CYTH4: variants seen among roughly 807,000 people sequenced by gnomAD.
CYTH4 encodes the protein cytohesin-4.
A neutral mutation model predicts 57.5 loss-of-function variants in CYTH4; 22 were observed. That is an observed-to-expected ratio of 0.38 (90% CI 0.27 to 0.55). The LOEUF (loss-of-function observed/expected upper bound fraction) is 0.55. Among genes scored for constraint, CYTH4 ranks in the 20% least tolerant of loss-of-function variants. CYTH4 has a pLI of 0.74. For synonymous variants in CYTH4, 186 were observed against 206.5 expected (o/e 0.90, Z 0.85); for missense variants, 420 against 535.6 (o/e 0.78, Z 2.13).
chr22:37,284,759 G>A (rs55714206), intron 1 of CYTH4, among the ~76,000 whole-genome samples: 10,638 of 152,130 alleles, frequency 0.07, 1,223 homozygotes, highest in African/African-American at 0.24. Context: ...GGGGCCCCCA[G>A]GGCTGCCTCC....
intron 8 of CYTH4, among the ~76,000 whole-genome samples, chr22:37,308,649 T>G (rs975372709): frequency 1.3e-5 from 2 of 151,902 alleles, no homozygotes; most frequent in Non-Finnish European, 2.9e-5. Context: ...TATGCATGTA[T>G]GTGTGCATAT....
chr22:37,312,925 A>G (rs1357134233), intron 12 of CYTH4, among the ~76,000 whole-genome samples: 1 of 152,256 alleles, frequency 6.6e-6, no homozygotes, highest in East Asian at 1.9e-4. Context: ...GTTGCTGGGC[A>G]GGGGCCGTGT....
At chr22:37,294,888 G>A (rs1002093767) in intron 3 of CYTH4, among the ~76,000 whole-genome samples, 164 bp downstream of exon 3, 2 of 152,122 alleles carry the variant, frequency 1.3e-5, no homozygotes, top group Non-Finnish European at 1.5e-5. Context: ...GGGTGGCCCC[G>A]GCCCCATCCC....
chr22:37,313,578 C>G lies in CYTH4; in HGVS notation c.*67C>G. The G allele has an allele frequency of 7.2e-7, 1 of 1,385,884 alleles. No homozygotes were observed. The highest frequency in any genetic ancestry group is 1.4e-5 in the African/African-American group (1 of 70,520). The allele number at this position is 1,385,884 out of a possible 1,614,324, so 85.8% of individuals were successfully genotyped here. A position where few individuals can be genotyped will look rare whatever the true frequency, so the allele number is the denominator to read the frequency against. On this transcript the variant is annotated 3_prime_UTR_variant, in exon 13 of 13. Transcript: ENST00000248901. The stretch of plus-strand genomic sequence containing the variant: ...CCCATCGCCTGCAGCACCTGGAGAC[C>G]CACCTCCCACCCCAGTGCACTCTTT...
In CYTH4 at chr22:37,311,381, C is replaced by T; in HGVS notation, c.886-75C>T. The stretch of plus-strand genomic sequence containing the variant: ...CGCTCCTCTTTGAGTTTGGGGAACC[C>T]CACACGTTCACACCCTGCCTTGGGC... On this transcript the variant is annotated intron_variant, in intron 10 of 12. Transcript: ENST00000248901. The surrounding 1 kb of genome is among the most constrained non-coding windows in gnomAD (Gnocchi z 4.4). 1.5e-6 allele frequency: 2 copies of T among 1,332,766 alleles called. No homozygotes were observed. Among genetic ancestry groups the T allele is most frequent in the Non-Finnish European group, 2.2e-6 (2 of 927,400 alleles). The allele number at this position is 1,332,766 out of a possible 1,614,324, so 82.6% of individuals were successfully genotyped here. A position where few individuals can be genotyped will look rare whatever the true frequency, so the allele number is the denominator to read the frequency against.
At chr22:37,299,152 T>G in intron 5 of CYTH4, 74 bp from the exon 6 acceptor site, 13 of 1,152,372 alleles carry the variant, frequency 1.1e-5, no homozygotes, top group Non-Finnish European at 1.6e-5. Context: ...CTCCCCCACC[T>G]CAACCCCCTC....
chr22:37,297,742 G>GC, intron 5 of CYTH4, 60 bp downstream of exon 5: 1 of 1,404,460 alleles, frequency 7.1e-7, no homozygotes, highest in Non-Finnish European at 1.0e-6. Context: ...GTGTACAGGT[G>GC]TGTGGATGTG....
At chr22:37,285,635 T>A (rs1235238935) in intron 1 of CYTH4, among the ~76,000 whole-genome samples, 1 of 151,894 alleles carries the variant, frequency 6.6e-6, no homozygotes, top group Non-Finnish European at 1.5e-5. Context: ...CACTTGAACC[T>A]GGGAGGTGGA....
In CYTH4 at chr22:37,295,396, G is replaced by A. The variant is rs949295694; in HGVS notation, c.168-603G>A. Among the ~76,000 whole-genome samples, 3 of 140,302 alleles carry A rather than the reference G, an allele frequency of 2.1e-5. No homozygotes were observed. Among genetic ancestry groups the A allele is most frequent in the African/African-American group, 6.3e-5 (2 of 31,786 alleles). The allele number at this position is 140,302 out of a possible 152,430, so 92.0% of individuals were successfully genotyped here. A position where few individuals can be genotyped will look rare whatever the true frequency, so the allele number is the denominator to read the frequency against. ...CACACATGCACACACACACACGCAT[G>A]CACACACACACAAGCATGCACACAC... On this transcript the variant is annotated intron_variant, in intron 3 of 12. Coordinates refer to ENST00000248901, the MANE Select transcript of CYTH4 (RefSeq NM_013385.5). This position sits in a 1 kb window ranked among gnomAD's most constrained non-coding sequence, Gnocchi z 4.1.
intron 6 of CYTH4, chr22:37,299,996 AAAAT>A: frequency 2.8e-6 from 2 of 711,194 alleles, no homozygotes; most frequent in South Asian, 1.5e-5. Flanking sequence ...GTCTCACAAA[AAAAT>A]AAATAAACCT....
At position 37,303,367 on chromosome 22, in the gene CYTH4, A is replaced by G; in HGVS notation, c.661A>G (p.Asn221Asp). The G allele has an allele frequency of 6.2e-7, 1 of 1,614,128 alleles. No individual in the cohort carries two copies. The highest frequency in any genetic ancestry group is 8.5e-7 in the Non-Finnish European group (1 of 1,179,998). The change falls in exon 8 of 13, where the codon AAC (asparagine) becomes GAC (aspartate). Residue 221 changes from asparagine to aspartate, a missense_variant. Coordinates refer to ENST00000248901, the MANE Select transcript of CYTH4 (RefSeq NM_013385.5). ...ERFVSMNRGI[N>D]NGSDLPEDQL... Reference sequence around the variant, plus strand: ...CTTTGTGTCCATGAACCGCGGCATCAACAATGGTAGCGACCTGCCCGAGGA... The same window carrying G: ...CTTTGTGTCCATGAACCGCGGCATCGACAATGGTAGCGACCTGCCCGAGGA...
intron 6 of CYTH4, among the ~76,000 whole-genome samples, chr22:37,299,762 C>CTA (rs1472066568): frequency 6.6e-6 from 1 of 152,206 alleles, no homozygotes; most frequent in African/African-American, 2.4e-5. Context: ...TGGAGCCAGA[C>CTA]TATACAGTTC....
At chr22:37,296,105 G>C in intron 4 of CYTH4, 40 bp downstream of exon 4, 2 of 1,592,890 alleles carry the variant, frequency 1.3e-6, no homozygotes, top group Non-Finnish European at 1.7e-6. Context: ...GGGTGTGGGG[G>C]CTGCATGGGA....
At chr22:37,293,872 G>A (rs1928839523) in intron 2 of CYTH4, among the ~76,000 whole-genome samples, 2 of 152,102 alleles carry the variant, frequency 1.3e-5, no homozygotes, top group Admixed American at 6.5e-5. Context: ...GTCAGACTGC[G>A]GGCGTGTCGT....
intron 9 of CYTH4, among the ~76,000 whole-genome samples, chr22:37,310,576 T>C (rs962020012): frequency 2.6e-5 from 4 of 152,220 alleles, no homozygotes; most frequent in Admixed American, 6.5e-5. Flanking sequence ...TCATACGTGG[T>C]TGTGAGGATT....
At chr22:37,296,502 A>G (rs1215931674) in intron 4 of CYTH4, 1 of 171,322 alleles carries the variant, frequency 5.8e-6, no homozygotes, top group Non-Finnish European at 1.3e-5. Flanking sequence ...GGGCTGGGTT[A>G]CCTCGATCCC....
chr22:37,297,805 G>A, intron 5 of CYTH4, 123 bp downstream of exon 5: 1 of 776,280 alleles, frequency 1.3e-6, no homozygotes, highest in Non-Finnish European at 2.2e-6. Flanking sequence ...GTGCTTGAGG[G>A]GCTCACGGAT....
At position 37,314,115 on chromosome 22, in the gene CYTH4, T is replaced by C; in HGVS notation, c.*604T>C. ...CGGACCCCACGAGCTCAGTCCCAGC[T>C]CTGCCTCTGACTCGCTGTGTGCCCT... is the stretch of plus-strand genomic sequence containing the variant. On this transcript the variant is annotated 3_prime_UTR_variant, in exon 13 of 13. Coordinates refer to ENST00000248901, the MANE Select transcript of CYTH4 (RefSeq NM_013385.5). 1 of 364,296 alleles carries C rather than the reference T, an allele frequency of 2.7e-6. No homozygotes were observed. The allele number at this position is 364,296 out of a possible 1,614,324, so 22.6% of individuals were successfully genotyped here.
intron 1 of CYTH4, among the ~76,000 whole-genome samples, chr22:37,285,030 C>G (rs1038386200): frequency 3.3e-5 from 5 of 152,196 alleles, no homozygotes; most frequent in Admixed American, 1.3e-4. Flanking sequence ...TCCACCCACA[C>G]CCCCTCTGCC....
Sources: gnomAD v4.1 joint callset for allele counts (sites outside exome capture counted in the v4.1 genomes callset) on GRCh38, gnomAD v4.1.1 for gene constraint, Gnocchi (gnomAD v3.1) non-coding constraint, MANE v1.5 for transcripts, NCBI Gene and HGNC (gene_info 2026-07-23, HGNC 2026-07-21) for gene names.